WWOX: variants seen among roughly 807,000 people sequenced by gnomAD.
WWOX encodes WW domain containing oxidoreductase, also known as WW domain-containing oxidoreductase.
In WWOX, 69 loss-of-function variants were observed where a neutral mutation model predicts 46.2. That is an observed-to-expected ratio of 1.49 (90% CI 1.23 to 1.82). WWOX has a LOEUF of 1.82. WWOX is among the 40% of genes most tolerant of loss of function. The pLI is 0.00. For synonymous variants in WWOX, 359 were observed against 202.6 expected (o/e 1.77, Z -6.56); for missense variants, 919 against 542.6 (o/e 1.69, Z -6.89).
chr16:78,642,423 G>A (rs151134705), intron 8 of WWOX, among the ~76,000 whole-genome samples: 3 of 152,038 alleles, frequency 2.0e-5, no homozygotes, highest in Non-Finnish European at 4.4e-5. Context: ...CTTTCTCTTT[G>A]GGCTCCCTGC....
chr16:79,017,574 C>G (rs1213231249), intron 8 of WWOX: 2 of 151,082 alleles, frequency 1.3e-5, no homozygotes, highest in African/African-American at 4.9e-5. Context: ...TGTCACAATT[C>G]ACTTCTGCCT....
At chr16:78,616,277 A>G (rs888061262) in intron 8 of WWOX, among the ~76,000 whole-genome samples, 4 of 151,944 alleles carry the variant, frequency 2.6e-5, no homozygotes, top group African/African-American at 4.8e-5. Context: ...TTGGGCTGCT[A>G]TAACAAAATG....
chr16:79,042,875 T>C (rs751353507), intron 8 of WWOX, among the ~76,000 whole-genome samples: 2 of 152,342 alleles, frequency 1.3e-5, no homozygotes, highest in Middle Eastern at 3.4e-3. Context: ...ATAGCTTTTA[T>C]TGCTTCTATT....
intron 8 of WWOX, among the ~76,000 whole-genome samples, chr16:78,502,354 G>A (rs1410255321): frequency 6.6e-6 from 1 of 152,096 alleles, no homozygotes; most frequent in Non-Finnish European, 1.5e-5. Flanking sequence ...CCTCTCTCCA[G>A]TTCCTGGCAA....
chr16:79,139,598 C>G (rs763676129), intron 8 of WWOX, among the ~76,000 whole-genome samples: 3 of 151,294 alleles, frequency 2.0e-5, no homozygotes, highest in Non-Finnish European at 4.4e-5. Context: ...TTTTCTTTTT[C>G]TTTCTTTCTT....
Position 78,744,299 on chromosome 16 carries a change from GTC to G in WWOX, c.1056+311550_1056+311551del, listed in dbSNP as rs747660086. 1.6e-4 allele frequency among the ~76,000 whole-genome samples: 25 copies of G among 151,908 alleles called. 1 individual carries two copies. Among genetic ancestry groups the G allele is most frequent in the Non-Finnish European group, 2.8e-4 (19 of 67,996 alleles). On this transcript the variant is annotated intron_variant, in intron 8 of 8. Coordinates refer to ENST00000566780, the MANE Select transcript of WWOX (RefSeq NM_016373.4). ...CACATAGGCTATAACTGCAAGGTGT[GTC>G]TCAGAAGGTACATGTGACGTTTCAT...
intron 8 of WWOX, among the ~76,000 whole-genome samples, chr16:78,665,299 T>A (rs114468900): frequency 0.019 from 2,867 of 152,240 alleles, 79 homozygotes; most frequent in African/African-American, 0.065. Context: ...AGTTTTCAGT[T>A]ATGCATGACA....
In WWOX at chr16:78,730,726, C is replaced by T. The variant is rs1205558911; in HGVS notation, c.1056+297974C>T. 2.7e-5 allele frequency among the ~76,000 whole-genome samples: 4 copies of T among 150,488 alleles called. 1 individual carries two copies. In the East Asian group the frequency reaches 5.9e-4, roughly 22 times the overall value. On this transcript the variant is annotated intron_variant, in intron 8 of 8. Coordinates refer to ENST00000566780, the MANE Select transcript of WWOX (RefSeq NM_016373.4). ...ACTCCCTCCTTATCCTCCCAAAGTG[C>T]TGGGATTACAGGTATAAACCACCAA...
At chr16:78,354,903 G>T (rs1002498535) in intron 5 of WWOX, among the ~76,000 whole-genome samples, 3 of 152,180 alleles carry the variant, frequency 2.0e-5, no homozygotes, top group Admixed American at 1.3e-4. Flanking sequence ...GGAGGCCAAG[G>T]TGAGGAGACC....
At chr16:78,731,890 C>G (rs1354201355) in intron 8 of WWOX, among the ~76,000 whole-genome samples, 2 of 145,720 alleles carry the variant, frequency 1.4e-5, no homozygotes, top group African/African-American at 5.3e-5. Context: ...CTTTATAGCC[C>G]AAGCTGGAGT....
chr16:78,662,315 G>C (rs1431471002), intron 8 of WWOX, among the ~76,000 whole-genome samples: 1 of 152,184 alleles, frequency 6.6e-6, no homozygotes, highest in Non-Finnish European at 1.5e-5. Flanking sequence ...GAGAGTGTTG[G>C]TCAGCATTTC....
intron 8 of WWOX, among the ~76,000 whole-genome samples, chr16:78,851,740 C>G (rs536579257): frequency 1.3e-5 from 2 of 152,172 alleles, no homozygotes; most frequent in African/African-American, 2.4e-5. Context: ...TGGACCTCCC[C>G]TAAATTTTGT....
At chr16:78,842,478 G>T (rs1453931986) in intron 8 of WWOX, among the ~76,000 whole-genome samples, 2 of 149,500 alleles carry the variant, frequency 1.3e-5, no homozygotes, top group Non-Finnish European at 3.0e-5. Flanking sequence ...ACTTCAACCT[G>T]GGTGAAAAAG....
chr16:78,885,485 A>T (rs1175262478), intron 8 of WWOX, among the ~76,000 whole-genome samples: 6 of 152,220 alleles, frequency 3.9e-5, no homozygotes, highest in Admixed American at 3.9e-4. Flanking sequence ...TTATGAATTT[A>T]AAAGCAGCAA....
intron 8 of WWOX, among the ~76,000 whole-genome samples, chr16:78,634,837 A>AGAGTGT (rs1346762709): frequency 5.0e-4 from 56 of 111,784 alleles, no homozygotes; most frequent in Non-Finnish European, 9.1e-4. Context: ...AGAGAGAGAG[A>AGAGTGT]GTGTGTGTGT....
chr16:79,176,627 C>T (rs1368702044), intron 8 of WWOX, among the ~76,000 whole-genome samples: 1 of 152,136 alleles, frequency 6.6e-6, no homozygotes, highest in Non-Finnish European at 1.5e-5. Flanking sequence ...TGTGTGTCTT[C>T]ATGTCATTAA....
chr16:78,513,886 G>C (rs1287912885), intron 8 of WWOX, among the ~76,000 whole-genome samples: 1 of 146,566 alleles, frequency 6.8e-6, no homozygotes, highest in Non-Finnish European at 1.5e-5. Flanking sequence ...TTATATTACA[G>C]TTCCCACTCC....
intron 8 of WWOX, among the ~76,000 whole-genome samples, chr16:78,642,004 G>A (rs918813488): frequency 6.6e-6 from 1 of 152,120 alleles, no homozygotes; most frequent in Middle Eastern, 3.4e-3. Flanking sequence ...GCAAAGAGGG[G>A]GAAAAAGAAG....
chr16:78,648,649 T>C (rs1597392873), intron 8 of WWOX, among the ~76,000 whole-genome samples: 1 of 152,146 alleles, frequency 6.6e-6, no homozygotes, highest in Non-Finnish European at 1.5e-5. Context: ...AAACCAATCA[T>C]ACAGGATGTC....
Sources: gnomAD v4.1 joint callset for allele counts (sites outside exome capture counted in the v4.1 genomes callset) on GRCh38, gnomAD v4.1.1 for gene constraint, MANE v1.5 for transcripts, NCBI Gene and HGNC (gene_info 2026-07-23, HGNC 2026-07-21) for gene names.